FARP1: variants seen among roughly 807,000 people sequenced by gnomAD.
FARP1 encodes the protein FERM, ARH/RhoGEF and pleckstrin domain protein 1, also known as FERM, ARHGEF and pleckstrin domain-containing protein 1.
In FARP1, 52 loss-of-function variants were observed where a neutral mutation model predicts 128.8. The ratio of observed to expected loss-of-function variants is 0.40; its 90% CI spans 0.32 to 0.51. FARP1 has a LOEUF of 0.51. Ranked by LOEUF, FARP1 falls within the 20% of genes least tolerant of loss-of-function variation. The pLI, the probability that FARP1 is intolerant of heterozygous loss-of-function variation, is 0.45. For missense variants in FARP1, 1,333 were observed against 1,367.9 expected, an observed-to-expected ratio of 0.97 and a Z score of 0.40; for synonymous variants, 580 against 551.8, an observed-to-expected ratio of 1.05 and a Z score of -0.72.
chr13:98,439,114 A>T lies in FARP1; in HGVS notation c.2351A>T (p.Asp784Val). The change falls in exon 21 of 27, where the codon GAC becomes GTC. Residue 784 changes from aspartate to valine, a missense_variant. Coordinates refer to ENST00000319562, the MANE Select transcript of FARP1 (RefSeq NM_005766.4). ...CACTTCTGATTCCTCCAGTTCAACGACGTCCTGCTATACACGAGCCGGGGG... is the reference window on the plus strand; with the variant it reads ...CACTTCTGATTCCTCCAGTTCAACGTCGTCCTGCTATACACGAGCCGGGGG... Reference protein sequence around the residue: ...LQQRMFFLFNDVLLYTSRGLT... With the variant: ...LQQRMFFLFNVVLLYTSRGLT... 6.2e-7 allele frequency: 1 copy of T among 1,613,554 alleles called. No homozygotes were observed. The highest frequency in any genetic ancestry group is 8.5e-7 in the Non-Finnish European group (1 of 1,179,672).
At chr13:98,205,687 C>T (rs1470028004) in intron 1 of FARP1, among the ~76,000 whole-genome samples, 1 of 152,100 alleles carries the variant, frequency 6.6e-6, no homozygotes, top group African/African-American at 2.4e-5. Flanking sequence ...GCCACCGTGC[C>T]CAGCCAGTTC....
intron 16 of FARP1, among the ~76,000 whole-genome samples, chr13:98,417,399 A>T (rs1303543359): frequency 6.7e-6 from 1 of 148,348 alleles, no homozygotes; most frequent in Admixed American, 6.8e-5. Context: ...CTTTCCATAA[A>T]CGTAGATCAT....
chr13:98,196,683 A>G (rs148312565), intron 1 of FARP1, among the ~76,000 whole-genome samples: 69 of 152,362 alleles, frequency 4.5e-4, no homozygotes, highest in Non-Finnish European at 8.1e-4. Context: ...ATGCTGCAGA[A>G]TGACTCCAGT....
At chr13:98,290,875 A>G (rs948946702) in intron 2 of FARP1, among the ~76,000 whole-genome samples, 2 of 152,192 alleles carry the variant, frequency 1.3e-5, no homozygotes, top group Non-Finnish European at 2.9e-5. Context: ...TTCAGAAGGG[A>G]AAGACCAAGG....
At chr13:98,185,924 C>CAGG (rs1343589490) in intron 1 of FARP1, among the ~76,000 whole-genome samples, 1 of 152,100 alleles carries the variant, frequency 6.6e-6, no homozygotes, top group East Asian at 1.9e-4. Context: ...TCTCGAACTC[C>CAGG]TGACCTCAGG....
chr13:98,365,305 T>A (rs544563107), intron 3 of FARP1, 90 bp from the exon 4 acceptor site: 2 of 1,008,208 alleles, frequency 2.0e-6, no homozygotes, highest in Admixed American at 2.0e-5. Flanking sequence ...AAAAATATTT[T>A]GATTTTAAAC....
chr13:98,269,919 C>T (rs562970738), intron 2 of FARP1, among the ~76,000 whole-genome samples: 4 of 152,214 alleles, frequency 2.6e-5, no homozygotes, highest in Admixed American at 2.0e-4. Flanking sequence ...GAGTTTGAGA[C>T]GGGCCTGAGC....
chr13:98,150,902 G>A (rs183580310), intron 1 of FARP1, among the ~76,000 whole-genome samples: 1 of 152,098 alleles, frequency 6.6e-6, no homozygotes, highest in East Asian at 1.9e-4. Flanking sequence ...GGGAAAAAAT[G>A]TTTTTGAAAT....
chr13:98,262,570 T>C (rs1167948094), intron 2 of FARP1, among the ~76,000 whole-genome samples: 1 of 152,114 alleles, frequency 6.6e-6, no homozygotes, highest in Admixed American at 6.5e-5. Context: ...GCATTACAGG[T>C]TTCATAGAAA....
At chr13:98,415,755 G>T (rs763521513) in intron 16 of FARP1, among the ~76,000 whole-genome samples, 2 of 152,280 alleles carry the variant, frequency 1.3e-5, no homozygotes, top group East Asian at 1.9e-4. Context: ...GACAGACTGC[G>T]CATGTGTGTG....
intron 1 of FARP1, chr13:98,177,098 TG>T: frequency 6.2e-7 from 1 of 1,600,296 alleles, no homozygotes; most frequent in East Asian, 2.2e-5. Flanking sequence ...CCGCTGCTGC[TG>T]CTCTCTCCGT....
At chr13:98,437,985 G>A (rs566930148) in intron 19 of FARP1, 11 of 777,194 alleles carry the variant, frequency 1.4e-5, no homozygotes, top group East Asian at 1.3e-4. Context: ...AGGTGGGATC[G>A]GAGGCGCCTG....
chr13:98,367,930 C>T (rs1262781206), intron 4 of FARP1, among the ~76,000 whole-genome samples, 187 bp from the exon 5 acceptor site: 1 of 152,166 alleles, frequency 6.6e-6, no homozygotes, highest in African/African-American at 2.4e-5. Context: ...ATCTCTCTTT[C>T]CCCACAATAT....
chr13:98,310,121 C>G (rs1293343018), intron 2 of FARP1, among the ~76,000 whole-genome samples: 2 of 148,374 alleles, frequency 1.3e-5, no homozygotes, highest in Non-Finnish European at 3.0e-5. Context: ...GTAAGATAAT[C>G]TCGATGGCCT....
chr13:98,235,818 TGTC>T (rs1247673226), intron 2 of FARP1, among the ~76,000 whole-genome samples: 1 of 114,156 alleles, frequency 8.8e-6, no homozygotes, highest in African/African-American at 5.2e-5. Context: ...AATTCACCTC[TGTC>T]TTTTTTTTTT....
chr13:98,230,760 A>T (rs889572226), intron 2 of FARP1, among the ~76,000 whole-genome samples: 7 of 152,196 alleles, frequency 4.6e-5, no homozygotes, highest in African/African-American at 1.7e-4. Context: ...GGTAAAGGAG[A>T]TGCATGCAGA....
At chr13:98,327,048 A>G (rs1348369861) in intron 2 of FARP1, among the ~76,000 whole-genome samples, 1 of 152,228 alleles carries the variant, frequency 6.6e-6, no homozygotes, top group Non-Finnish European at 1.5e-5. Context: ...TTAACTCTCT[A>G]TGGAAGGAGA....
intron 2 of FARP1, among the ~76,000 whole-genome samples, chr13:98,295,047 ACACACACACACAC>A (rs1158748178): frequency 2.1e-3 from 6 of 2,864 alleles, no homozygotes; most frequent in African/African-American, 7.8e-3. Context: ...TATATATATT[ACACACACACACAC>A]ACACACACAC....
intron 2 of FARP1, among the ~76,000 whole-genome samples, chr13:98,314,436 T>A (rs1357698955): frequency 6.6e-6 from 1 of 151,808 alleles, no homozygotes; most frequent in Non-Finnish European, 1.5e-5. Context: ...TGTGCCACCA[T>A]GCCCAGCTAA....
Sources: gnomAD v4.1 joint callset for allele counts (sites outside exome capture counted in the v4.1 genomes callset) on GRCh38, gnomAD v4.1.1 for gene constraint, MANE v1.5 for transcripts, NCBI Gene and HGNC (gene_info 2026-07-23, HGNC 2026-07-21) for gene names.